SNPH: variants seen among roughly 807,000 people sequenced by gnomAD.
SNPH encodes syntaphilin.
In SNPH, 10 loss-of-function variants were observed where a neutral mutation model predicts 36.8. The observed-to-expected ratio is 0.27, with a 90% confidence interval of 0.17 to 0.46. The LOEUF (loss-of-function observed/expected upper bound fraction) is 0.46, where lower values mean the gene tolerates loss of function less well. Among genes scored for constraint, SNPH ranks in the 20% least tolerant of loss-of-function variants. SNPH has a pLI of 1.00. For missense variants in SNPH, 622 were observed against 744.0 expected (o/e 0.84, Z 1.91); for synonymous variants, 281 against 312.2 (o/e 0.90, Z 1.05).
At chr20:1,278,306 C>T (rs1013889386) in intron 2 of SNPH, among the ~76,000 whole-genome samples, 4 of 151,888 alleles carry the variant, frequency 2.6e-5, no homozygotes, top group Admixed American at 6.6e-5. Flanking sequence ...GCCTGGCTTC[C>T]TAAGACAACT....
chr20:1,299,151 A>G (rs929997188), intron 5 of SNPH, among the ~76,000 whole-genome samples: 2 of 152,002 alleles, frequency 1.3e-5, no homozygotes, highest in African/African-American at 4.8e-5. Context: ...TTCTATCACC[A>G]CTTTCTCTTT....
At position 1,308,931 on chromosome 20, in the gene SNPH, C is replaced by T. The variant is rs1453489625; in HGVS notation, c.*2877C>T. 1.3e-5 allele frequency: 2 copies of T among 152,306 alleles called. No homozygotes were observed. The highest frequency in any genetic ancestry group is 2.9e-5 in the Non-Finnish European group (2 of 68,100). The allele number at this position is 152,306 out of a possible 1,614,324, so 9.4% of individuals were successfully genotyped here. On this transcript the variant is annotated 3_prime_UTR_variant, in exon 7 of 7. Coordinates refer to ENST00000381867, the MANE Select transcript of SNPH (RefSeq NM_001318234.2). ...CAGGAATCGGACGCTGGGGCCCGGGCTCTGCACAGAGAGCTGGGCTTGAGT... is the reference window on the plus strand; with the variant it reads ...CAGGAATCGGACGCTGGGGCCCGGGTTCTGCACAGAGAGCTGGGCTTGAGT...
chr20:1,267,708 A>C (rs183467012), intron 2 of SNPH, among the ~76,000 whole-genome samples: 92 of 152,326 alleles, frequency 6.0e-4, no homozygotes, highest in African/African-American at 2.2e-3. Context: ...AGGCAATTTA[A>C]ATTTAGTTTC....
chr20:1,288,543 T>C (rs933529542), intron 2 of SNPH, among the ~76,000 whole-genome samples: 2 of 152,090 alleles, frequency 1.3e-5, no homozygotes, highest in Non-Finnish European at 2.9e-5. Context: ...GGCTTCTCCT[T>C]TGCCTGCGAG....
chr20:1,305,316 T>C lies in SNPH; in HGVS notation c.879T>C (p.Asp293=), dbSNP rs1401855329. ...CAGACAGTGGCTTTGCAGCAGCCGATGACACACTGAGCCGGACGGACGCGC... is the reference window on the plus strand; with the variant it reads ...CAGACAGTGGCTTTGCAGCAGCCGACGACACACTGAGCCGGACGGACGCGC... ...DGADSGFAAA[D]DTLSRTDALE... is the part of the protein sequence containing the mutation. The change falls in exon 7 of 7, where the codon GAT becomes GAC. Residue 293 remains aspartate (D), a synonymous_variant. Coordinates refer to ENST00000381867, the MANE Select transcript of SNPH (RefSeq NM_001318234.2). The C allele has an allele frequency of 4.3e-6, 7 of 1,610,762 alleles. No homozygotes were observed. Among genetic ancestry groups the C allele is most frequent in the Non-Finnish European group, 5.9e-6 (7 of 1,179,602 alleles).
At chr20:1,270,673 C>G (rs756725741) in intron 2 of SNPH, among the ~76,000 whole-genome samples, 2 of 152,166 alleles carry the variant, frequency 1.3e-5, no homozygotes, top group Non-Finnish European at 2.9e-5. Context: ...GTCCTTAAAG[C>G]CTTCTAGAAG....
At chr20:1,288,602 A>T (rs1222737942) in intron 2 of SNPH, among the ~76,000 whole-genome samples, 1 of 151,528 alleles carries the variant, frequency 6.6e-6, no homozygotes, top group Non-Finnish European at 1.5e-5. Context: ...GAGAAGGCAC[A>T]TGAGGAATTT....
rs138392003 is a variant in SNPH at position 1,271,386 on chromosome 20, G to A, written c.-493+4626G>A. On this transcript the variant is annotated intron_variant, in intron 2 of 6. Coordinates refer to ENST00000381867, the MANE Select transcript of SNPH (RefSeq NM_001318234.2). ...AGGCAGAGTCTTACTCTGTCACCTA[G>A]GCTGGAGTTCAGTGGCATGATCTTG... Among the ~76,000 whole-genome samples the A allele has an allele frequency of 2.4e-3, 358 of 152,258 alleles. 1 individual carries two copies. The highest frequency in any genetic ancestry group is 3.8e-3 in the Non-Finnish European group (261 of 68,014).
chr20:1,297,319 G>A lies in SNPH; in HGVS notation c.290+67G>A, dbSNP rs1439783553. Reference sequence around the variant, plus strand: ...GAACAGGTTGTCCTGGGGTGGGAGAGGTAAGGGAGCAGGGTCGTGTTCTAA... The same window carrying A: ...GAACAGGTTGTCCTGGGGTGGGAGAAGTAAGGGAGCAGGGTCGTGTTCTAA... On this transcript the variant is annotated intron_variant, in intron 5 of 6. Coordinates refer to ENST00000381867, the MANE Select transcript of SNPH (RefSeq NM_001318234.2). The A allele has an allele frequency of 6.6e-6, 10 of 1,504,066 alleles. No homozygotes were observed. The East Asian group carries it at 2.1e-4, about 32-fold the overall frequency. 93.2% of individuals were successfully genotyped at this position (1,504,066 alleles called of 1,614,324 possible).
At chr20:1,284,807 C>T (rs2088265104) in intron 2 of SNPH, among the ~76,000 whole-genome samples, 3 of 152,052 alleles carry the variant, frequency 2.0e-5, no homozygotes, top group Admixed American at 2.0e-4. Context: ...GGGAGGGATG[C>T]ACAGAACTTT....
At chr20:1,273,532 T>C (rs1387331280) in intron 2 of SNPH, among the ~76,000 whole-genome samples, 1 of 152,018 alleles carries the variant, frequency 6.6e-6, no homozygotes, top group East Asian at 1.9e-4. Context: ...TTTAGGTTGG[T>C]TGGAGGGAAG....
intron 6 of SNPH, among the ~76,000 whole-genome samples, chr20:1,303,272 G>A (rs1429337484): frequency 1.3e-5 from 2 of 152,206 alleles, no homozygotes; most frequent in African/African-American, 2.4e-5. Flanking sequence ...CTTGCTCCCT[G>A]GGCAGACTTA....
rs6041148 is a variant in SNPH at position 1,287,818 on chromosome 20, C to T, written c.-492-7133C>T. Among the ~76,000 whole-genome samples the T allele has an allele frequency of 6.0e-3, 918 of 152,280 alleles. 12 individuals are homozygous for T. The highest frequency in any genetic ancestry group is 0.021 in the African/African-American group (860 of 41,552). ...GGGAGAAGGGGGAAGGGAGAGAAGC[C>T]GGACTGAGGCTTGACAGCTCTATCA... On this transcript the variant is annotated intron_variant, in intron 2 of 6. Transcript: ENST00000381867.
chr20:1,304,829 A>G lies in SNPH; in HGVS notation c.441-49A>G. On this transcript the variant is annotated intron_variant, in intron 6 of 6. Transcript: ENST00000381867. The surrounding 1 kb of genome is among the most constrained non-coding windows in gnomAD (Gnocchi z 4.3). ...CTCCCTGCCTCTCCTTGGCGGTGAC[A>G]GACCAGGCAGGCAGGCAGTGAGCGT... The G allele has an allele frequency of 6.4e-7, 1 of 1,563,218 alleles. No individual in the cohort carries two copies. The highest frequency in any genetic ancestry group is 8.7e-7 in the Non-Finnish European group (1 of 1,144,492).
rs145711806 is a variant in SNPH at position 1,269,522 on chromosome 20, T to C, written c.-493+2762T>C. ...TTCCAAAGGTTTCGCTGCCTCTTCATGCATACCTTGCTGATGCTGTGAGCT... is the reference window on the plus strand; with the variant it reads ...TTCCAAAGGTTTCGCTGCCTCTTCACGCATACCTTGCTGATGCTGTGAGCT... On this transcript the variant is annotated intron_variant, in intron 2 of 6. Coordinates refer to ENST00000381867, the MANE Select transcript of SNPH (RefSeq NM_001318234.2). Among the ~76,000 whole-genome samples, 157 of 152,324 alleles carry C rather than the reference T, an allele frequency of 1.0e-3. 2 individuals are homozygous for C. In the East Asian group the frequency reaches 0.02, roughly 20 times the overall value.
chr20:1,275,365 C>T (rs1449611122), intron 2 of SNPH, among the ~76,000 whole-genome samples: 1 of 152,212 alleles, frequency 6.6e-6, no homozygotes, highest in Non-Finnish European at 1.5e-5. Flanking sequence ...CCTCCTGTCT[C>T]TATGGGCCTC....
Position 1,266,436 on chromosome 20 carries a change from C to A in SNPH, c.-600+39C>A. 3.5e-6 allele frequency: 2 copies of A among 567,110 alleles called. No individual in the cohort carries two copies. The highest frequency in any genetic ancestry group is 5.6e-6 in the Non-Finnish European group (2 of 358,734). 35.1% of individuals were successfully genotyped at this position (567,110 alleles called of 1,614,324 possible). A position where few individuals can be genotyped will look rare whatever the true frequency, so the allele number is the denominator to read the frequency against. ...CCCCGGGGATCTCCGGGCCCACCGC[C>A]CAGCTGCACCCGCCGCAGTCCAGAG... On this transcript the variant is annotated intron_variant, in intron 1 of 6. Coordinates refer to ENST00000381867, the MANE Select transcript of SNPH (RefSeq NM_001318234.2). This position sits in a 1 kb window ranked among gnomAD's most constrained non-coding sequence, Gnocchi z 6.0.
In SNPH at chr20:1,306,233, C is replaced by G; in HGVS notation, c.*179C>G. ...GGAGCAGGGGTTGGAGAAAGGCATCCCAAAGCTTCGATGGAGAGCAGGGAA... is the reference window on the plus strand; with the variant it reads ...GGAGCAGGGGTTGGAGAAAGGCATCGCAAAGCTTCGATGGAGAGCAGGGAA... On this transcript the variant is annotated 3_prime_UTR_variant, in exon 7 of 7. Transcript: ENST00000381867. 1.9e-6 allele frequency: 1 copy of G among 525,776 alleles called. No homozygotes were observed. Among genetic ancestry groups the G allele is most frequent in the Non-Finnish European group, 3.0e-6 (1 of 328,322 alleles). The allele number at this position is 525,776 out of a possible 1,614,324, so 32.6% of individuals were successfully genotyped here. A position where few individuals can be genotyped will look rare whatever the true frequency, so the allele number is the denominator to read the frequency against.
Position 1,304,801 on chromosome 20 carries a change from C to CCT in SNPH, c.441-73_441-72dup. 1 of 1,410,022 alleles carries CCT rather than the reference C, an allele frequency of 7.1e-7. No homozygotes were observed. The highest frequency in any genetic ancestry group is 9.8e-7 in the Non-Finnish European group (1 of 1,015,886). 87.3% of individuals were successfully genotyped at this position (1,410,022 alleles called of 1,614,324 possible). ...GGCCCTTCATCCTTGGCAACAGTGT[C>CCT]CTCTCCCTGCCTCTCCTTGGCGGTG... On this transcript the variant is annotated intron_variant, in intron 6 of 6. Coordinates refer to ENST00000381867, the MANE Select transcript of SNPH (RefSeq NM_001318234.2). This position sits in a 1 kb window ranked among gnomAD's most constrained non-coding sequence, Gnocchi z 4.3.
Sources: allele counts gnomAD v4.1 joint callset (sites outside exome capture counted in the v4.1 genomes callset), GRCh38; gene constraint gnomAD v4.1.1; non-coding constraint Gnocchi (gnomAD v3.1); transcripts MANE v1.5; gene names NCBI Gene and HGNC (gene_info 2026-07-23, HGNC 2026-07-21).